The following KAZN variants were observed in gnomAD, a reference collection of about 807,000 sequenced individuals.
KAZN encodes the protein kazrin.
In KAZN, 40 loss-of-function variants were observed where a neutral mutation model predicts 87.4. That is an observed-to-expected ratio of 0.46 (90% CI 0.36 to 0.60). The LOEUF (loss-of-function observed/expected upper bound fraction) is 0.60. Ranked by LOEUF, KAZN falls within the 20% of genes least tolerant of loss-of-function variation. The pLI is 0.00. For missense variants in KAZN, 898 were observed against 1,073.9 expected (o/e 0.84, Z 2.29); for synonymous variants, 466 against 458.3 (o/e 1.02, Z -0.22).
intron 8 of KAZN, among the ~76,000 whole-genome samples, chr1:15,091,993 A>G (rs763190698): frequency 2.8e-4 from 41 of 145,980 alleles, no homozygotes; most frequent in South Asian, 4.3e-4. Flanking sequence ...TTTTTTTTAC[A>G]TTCTTGTAAT....
At chr1:14,368,538 C>T (rs1020297443) in intron 2 of KAZN, among the ~76,000 whole-genome samples, 4 of 152,158 alleles carry the variant, frequency 2.6e-5, no homozygotes, top group Non-Finnish European at 4.4e-5. Context: ...GCTAACAACC[C>T]ATGGGACCTA....
intron 1 of KAZN, chr1:13,893,812 C>G: frequency 3.2e-6 from 5 of 1,539,592 alleles, no homozygotes; most frequent in Non-Finnish European, 4.4e-6. Context: ...AGCGTTATCC[C>G]GGGTCCCCAA....
chr1:14,222,667 G>T (rs1647131926), intron 2 of KAZN, among the ~76,000 whole-genome samples: 1 of 152,196 alleles, frequency 6.6e-6, no homozygotes, highest in African/African-American at 2.4e-5. Flanking sequence ...AATATAATTT[G>T]TGAAATACAG....
chr1:14,718,999 G>A (rs1007968926), intron 1 of KAZN, among the ~76,000 whole-genome samples: 3 of 152,128 alleles, frequency 2.0e-5, no homozygotes, highest in Non-Finnish European at 4.4e-5. Flanking sequence ...GATTGTCTGA[G>A]TCTCTAAGGG....
In KAZN at chr1:14,466,707, G is replaced by A. The variant is rs543257310; in HGVS notation, c.250-132276G>A. Among the ~76,000 whole-genome samples, 575 of 150,908 alleles carry A rather than the reference G, an allele frequency of 3.8e-3. 5 individuals carry two copies. Among genetic ancestry groups the A allele is most frequent in the African/African-American group, 0.013 (552 of 41,194 alleles). On this transcript the variant is annotated intron_variant, in intron 2 of 16. Transcript: ENST00000636203. ...GAAACGGCCAGGCGCGGTGGCTCAC[G>A]CCTGTAATCCCAGCACTTCGGGAGG... is the stretch of plus-strand genomic sequence containing the variant.
At chr1:14,457,973 A>G (rs1333864577) in intron 2 of KAZN, among the ~76,000 whole-genome samples, 1 of 151,972 alleles carries the variant, frequency 6.6e-6, no homozygotes, top group African/African-American at 2.4e-5. Context: ...GCCCGCCACC[A>G]TGCCTGGCTA....
intron 1 of KAZN, among the ~76,000 whole-genome samples, chr1:13,981,095 A>ATATATATATATATATG (rs1553181090): frequency 2.9e-5 from 3 of 104,172 alleles, no homozygotes; most frequent in African/African-American, 7.8e-5. Context: ...CTCTTTATAT[A>ATATATATATATATATG]TATATATATA....
chr1:13,963,756 GGTC>G (rs1641839824), intron 1 of KAZN, among the ~76,000 whole-genome samples: 1 of 117,040 alleles, frequency 8.5e-6, no homozygotes, highest in African/African-American at 3.2e-5. Flanking sequence ...TTTCTGCTGT[GGTC>G]TGTGTGTGTG....
chr1:14,484,727 C>A (rs1669258690), intron 2 of KAZN, among the ~76,000 whole-genome samples: 2 of 152,196 alleles, frequency 1.3e-5, no homozygotes. Context: ...GGAGTTCAGG[C>A]AGCCATGCGA....
Position 14,042,292 on chromosome 1 carries a change from C to T in KAZN, c.92-138143C>T, listed in dbSNP as rs531486429. ...TAGTTTATTTCTTTGGAAAATATAC[C>T]CCCATCTACTATAAGTGTAGAGGAG... On this transcript the variant is annotated intron_variant, in intron 1 of 16. Transcript: ENST00000636203. Among the ~76,000 whole-genome samples the T allele has an allele frequency of 5.8e-3, 875 of 152,122 alleles. 3 individuals are homozygous for T. Among genetic ancestry groups the T allele is most frequent in the Middle Eastern group, 0.02 (6 of 294 alleles).
intron 2 of KAZN, among the ~76,000 whole-genome samples, chr1:14,280,116 G>A (rs867203145): frequency 5.3e-5 from 8 of 152,056 alleles, no homozygotes; most frequent in South Asian, 4.2e-4. Context: ...TAATCCCAGC[G>A]CTTCGGGAGG....
chr1:14,793,834 T>C lies in KAZN; in HGVS notation c.227-166850T>C, dbSNP rs1215927860. ...ATTTGGAAGCCAGTGAGACCTGAGA[T>C]ATAAATCACACTTGTGTGCCTTCCG... On this transcript the variant is annotated intron_variant, in intron 1 of 14. Transcript: ENST00000376030. Among the ~76,000 whole-genome samples, 4 of 152,216 alleles carry C rather than the reference T, an allele frequency of 2.6e-5. No individual in the cohort carries two copies. The East Asian group carries it at 7.7e-4, about 29-fold the overall frequency.
intron 1 of KAZN, among the ~76,000 whole-genome samples, chr1:14,026,766 A>G (rs1430748896): frequency 1.3e-5 from 2 of 152,206 alleles, no homozygotes; most frequent in Admixed American, 1.3e-4. Context: ...TGGAAAGTGA[A>G]TAGCACAGCC....
At chr1:14,347,899 T>C (rs1658229311) in intron 2 of KAZN, among the ~76,000 whole-genome samples, 1 of 151,758 alleles carries the variant, frequency 6.6e-6, no homozygotes, top group Admixed American at 6.6e-5. Flanking sequence ...TTTTTTCTTT[T>C]TTAGAGTCAG....
intron 2 of KAZN, among the ~76,000 whole-genome samples, chr1:14,590,978 G>T (rs960205232): frequency 6.6e-6 from 1 of 152,158 alleles, no homozygotes; most frequent in Non-Finnish European, 1.5e-5. Context: ...ACCAAAGGCG[G>T]GATGAGATCA....
chr1:13,940,027 A>C lies in KAZN; in HGVS notation c.91+46271A>C, dbSNP rs138536793. Among the ~76,000 whole-genome samples, 828 of 152,336 alleles carry C rather than the reference A, an allele frequency of 5.4e-3. 6 individuals carry two copies. Among genetic ancestry groups the C allele is most frequent in the African/African-American group, 0.019 (795 of 41,586 alleles). On this transcript the variant is annotated intron_variant, in intron 1 of 16. Transcript: ENST00000636203. ...GGTCCCACCTCCAATGATGGGGATT[A>C]AAATTCAACATGAGATTTAGAGGGA...
chr1:14,575,824 C>G (rs12118610), intron 2 of KAZN, among the ~76,000 whole-genome samples: 1 of 152,052 alleles, frequency 6.6e-6, no homozygotes, highest in African/African-American at 2.4e-5. Flanking sequence ...TATGACCTGT[C>G]TTTCTGCTAG....
intron 2 of KAZN, among the ~76,000 whole-genome samples, chr1:14,372,583 G>C (rs1660581216): frequency 6.6e-6 from 1 of 152,322 alleles, no homozygotes; most frequent in African/African-American, 2.4e-5. Context: ...CCATGCGGGA[G>C]AGGGCAGCAA....
At chr1:14,748,467 C>T (rs774178395) in intron 1 of KAZN, among the ~76,000 whole-genome samples, 13 of 152,100 alleles carry the variant, frequency 8.5e-5, no homozygotes, top group Non-Finnish European at 1.3e-4. Flanking sequence ...GGGAGTTGTA[C>T]ACTTCTTTTT....
Sources: gnomAD v4.1 joint callset for allele counts (sites outside exome capture counted in the v4.1 genomes callset) on GRCh38, gnomAD v4.1.1 for gene constraint, MANE v1.5 for transcripts, NCBI Gene and HGNC (gene_info 2026-07-23, HGNC 2026-07-21) for gene names.